IGF1: variants seen among roughly 807,000 people sequenced by gnomAD.
The protein encoded by IGF1 is insulin like growth factor 1, also known as insulin-like growth factor 1.
In IGF1, 4 loss-of-function variants were observed where a neutral mutation model predicts 13.8. The observed-to-expected ratio is 0.29, with a 90% CI of 0.14 to 0.66. The LOEUF (loss-of-function observed/expected upper bound fraction) is 0.66, where lower values mean the gene tolerates loss of function less well. Ranked by LOEUF, IGF1 falls within the 30% of genes least tolerant of loss-of-function variation. The pLI is 0.78. For missense variants in IGF1, 124 were observed against 188.5 expected (o/e 0.66, Z 2.00); for synonymous variants, 76 against 72.6 (o/e 1.05, Z -0.23).
Position 102,402,474 on chromosome 12 carries a change from G to T in IGF1, c.*33C>A, listed in dbSNP as rs1290805037. 3.8e-6 allele frequency: 3 copies of T among 780,570 alleles called. No homozygotes were observed. The highest frequency in any genetic ancestry group is 7.2e-6 in the Non-Finnish European group (3 of 417,878). The allele number at this position is 780,570 out of a possible 1,614,324, so 48.4% of individuals were successfully genotyped here. On this transcript the variant is annotated 3_prime_UTR_variant, in exon 4 of 4. Coordinates refer to ENST00000337514, the MANE Select transcript of IGF1 (RefSeq NM_000618.5). ...GTGCAGAGCAAAGGATCCTGCGGTG[G>T]CATGTCACTCTTCACTCCTCAGGAG... is the stretch of plus-strand genomic sequence containing the variant.
chr12:102,447,232 C>T (rs1878435116), intron 2 of IGF1, among the ~76,000 whole-genome samples: 1 of 152,158 alleles, frequency 6.6e-6, no homozygotes, highest in Admixed American at 6.5e-5. Context: ...CTGTAGATGT[C>T]TATCAGGTCC....
At chr12:102,419,193 C>A (rs1420212312) in intron 3 of IGF1, among the ~76,000 whole-genome samples, 1 of 152,212 alleles carries the variant, frequency 6.6e-6, no homozygotes, top group Non-Finnish European at 1.5e-5. Context: ...TTGGGTACAT[C>A]ACATTATTTG....
intron 3 of IGF1, among the ~76,000 whole-genome samples, chr12:102,415,394 T>G (rs2136981471): frequency 6.6e-6 from 1 of 152,354 alleles, no homozygotes; most frequent in South Asian, 2.1e-4. Context: ...TTCTGTTTTC[T>G]TGGTTCATAT....
At chr12:102,422,090 A>C (rs907778147) in intron 2 of IGF1, among the ~76,000 whole-genome samples, 7 of 152,212 alleles carry the variant, frequency 4.6e-5, no homozygotes, top group African/African-American at 1.7e-4. Context: ...AGAATTTGAC[A>C]TGACTCAGTC....
intron 1 of IGF1, among the ~76,000 whole-genome samples, chr12:102,479,332 A>G (rs374442854): frequency 6.6e-6 from 1 of 152,206 alleles, no homozygotes; most frequent in Non-Finnish European, 1.5e-5. Flanking sequence ...AGTGGCAGAG[A>G]CGTCTTATGA....
At position 102,396,179 on chromosome 12, in the gene IGF1, CTG is replaced by C. The variant is rs1301272058; in HGVS notation, c.*6326_*6327del. 6.6e-6 allele frequency: 1 copy of C among 152,166 alleles called. No homozygotes were observed. Among genetic ancestry groups the C allele is most frequent in the Admixed American group, 6.5e-5 (1 of 15,270 alleles). 9.4% of individuals were successfully genotyped at this position (152,166 alleles called of 1,614,324 possible). The stretch of plus-strand genomic sequence containing the variant: ...GTAGCAGGGGAAATTAATTCAGTGT[CTG>C]TAAGTTTATTTATCACACTTGGCCT... On this transcript the variant is annotated 3_prime_UTR_variant, in exon 4 of 4. Transcript: ENST00000337514.
rs1032875411 is a variant in IGF1 at position 102,401,124 on chromosome 12, C to T, written c.*1383G>A. On this transcript the variant is annotated 3_prime_UTR_variant, in exon 4 of 4. Transcript: ENST00000337514. ...CAACTCAAGCGCCCTGATGTTGCAC[C>T]CTTACAGCAACCCAGGGTAAAAAAA... is the stretch of plus-strand genomic sequence containing the variant. 3.9e-5 allele frequency: 6 copies of T among 152,096 alleles called. No individual in the cohort carries two copies. Among genetic ancestry groups the T allele is most frequent in the African/African-American group, 9.7e-5 (4 of 41,384 alleles). The allele number at this position is 152,096 out of a possible 1,614,324, so 9.4% of individuals were successfully genotyped here. A position where few individuals can be genotyped will look rare whatever the true frequency, so the allele number is the denominator to read the frequency against.
At chr12:102,421,965 T>A (rs1875761524) in intron 2 of IGF1, among the ~76,000 whole-genome samples, 1 of 152,132 alleles carries the variant, frequency 6.6e-6, no homozygotes. Context: ...TAAACAACCA[T>A]GAAACTCACC....
chr12:102,477,820 T>A (rs1418543565), intron 1 of IGF1, among the ~76,000 whole-genome samples: 1 of 152,182 alleles, frequency 6.6e-6, no homozygotes, highest in Non-Finnish European at 1.5e-5. Flanking sequence ...TTCTTCAGTT[T>A]TTGTGAAATC....
chr12:102,452,452 C>G (rs146429189), intron 2 of IGF1, among the ~76,000 whole-genome samples: 1 of 152,222 alleles, frequency 6.6e-6, no homozygotes, highest in Non-Finnish European at 1.5e-5. Flanking sequence ...TCCCTAGCAT[C>G]TGTTATAGAG....
chr12:102,459,267 A>C (rs1378782491), intron 2 of IGF1, among the ~76,000 whole-genome samples: 1 of 152,118 alleles, frequency 6.6e-6, no homozygotes, highest in Non-Finnish European at 1.5e-5. Context: ...GGGAGTTTGG[A>C]CTCACTCAAT....
chr12:102,418,077 G>T, intron 3 of IGF1: 1 of 1,494,198 alleles, frequency 6.7e-7, no homozygotes, highest in Non-Finnish European at 9.1e-7. Context: ...AGCTCAGAAT[G>T]CCCAGGCTCC....
chr12:102,423,609 G>A (rs999924655), intron 2 of IGF1, among the ~76,000 whole-genome samples: 11 of 152,102 alleles, frequency 7.2e-5, no homozygotes, highest in African/African-American at 2.2e-4. Context: ...CTTAAAAGTT[G>A]GCCAACAGAC....
intron 2 of IGF1, among the ~76,000 whole-genome samples, chr12:102,457,002 A>G (rs1350090490): frequency 2.0e-5 from 3 of 152,168 alleles, no homozygotes; most frequent in Non-Finnish European, 4.4e-5. Context: ...GTACTAAAAA[A>G]ACTGCTTTGG....
chr12:102,480,031 G>A (rs1881309870), intron 1 of IGF1, among the ~76,000 whole-genome samples: 1 of 152,024 alleles, frequency 6.6e-6, no homozygotes, highest in Non-Finnish European at 1.5e-5. Flanking sequence ...GCCATAGAGA[G>A]GATTTAAAGG....
At position 102,403,300 on chromosome 12, in the gene IGF1, A is replaced by C. The variant is rs552695570; in HGVS notation, c.403-734T>G. ...AGACCTGGCACATGGTAAGCACTAC[A>C]TAAGTATTAGCCACTATTATCATTA... On this transcript the variant is annotated intron_variant, in intron 3 of 3. Transcript: ENST00000337514. Among the ~76,000 whole-genome samples, 5 of 152,336 alleles carry C rather than the reference A, an allele frequency of 3.3e-5. No homozygotes were observed. The South Asian group carries it at 8.3e-4, about 25-fold the overall frequency.
At chr12:102,422,457 G>C (rs1306729804) in intron 2 of IGF1, among the ~76,000 whole-genome samples, 1 of 152,132 alleles carries the variant, frequency 6.6e-6, no homozygotes, top group Non-Finnish European at 1.5e-5. Context: ...CTGTAAGCTT[G>C]ATTTCTTCTG....
At position 102,441,915 on chromosome 12, in the gene IGF1, C is replaced by CTTCTTCTT. The variant is rs1555244052; in HGVS notation, c.221-22226_221-22225insAAGAAGAA. ...GTCATTCTATTACACTGCTTCTTCT[C>CTTCTTCTT]CTTCTTCTTCTTCTTCTTCTTCTTC... On this transcript the variant is annotated intron_variant, in intron 2 of 3. Coordinates refer to ENST00000337514, the MANE Select transcript of IGF1 (RefSeq NM_000618.5). Among the ~76,000 whole-genome samples the CTTCTTCTT allele has an allele frequency of 3.0e-3, 362 of 122,136 alleles. 7 individuals carry two copies. The highest frequency in any genetic ancestry group is 9.5e-3 in the African/African-American group (309 of 32,476). The allele number at this position is 122,136 out of a possible 152,430, so 80.1% of individuals were successfully genotyped here.
At chr12:102,465,886 G>A (rs1209000148) in intron 2 of IGF1, among the ~76,000 whole-genome samples, 5 of 114,094 alleles carry the variant, frequency 4.4e-5, no homozygotes, top group Admixed American at 8.0e-5. Context: ...GCAGTGAGCC[G>A]AGATTGCACC....
Sources: allele counts gnomAD v4.1 joint callset (sites outside exome capture counted in the v4.1 genomes callset), GRCh38; gene constraint gnomAD v4.1.1; transcripts MANE v1.5; gene names NCBI Gene and HGNC (gene_info 2026-07-23, HGNC 2026-07-21).